The following UBASH3A variants were observed in gnomAD, a reference collection of about 807,000 sequenced individuals.
UBASH3A encodes the protein ubiquitin-associated and SH3 domain-containing protein A.
In UBASH3A, 63 loss-of-function variants were observed where a neutral mutation model predicts 73.5. The observed-to-expected ratio is 0.86, with a 90% CI of 0.70 to 1.06. UBASH3A has a LOEUF of 1.06. Ranked by LOEUF, UBASH3A falls within the 50% of genes least tolerant of loss-of-function variation. UBASH3A has a pLI of 0.00. For synonymous variants in UBASH3A, 363 were observed against 351.1 expected (o/e 1.03, Z -0.38); for missense variants, 860 against 859.0 (o/e 1.00, Z -0.02).
intron 7 of UBASH3A, among the ~76,000 whole-genome samples, chr21:42,422,609 T>A (rs749456503): frequency 3.9e-5 from 6 of 152,200 alleles, no homozygotes; most frequent in Non-Finnish European, 5.9e-5. Flanking sequence ...CATTAAAATT[T>A]AAAAATAAGT....
chr21:42,437,198 TTTCC>T (rs776408792), intron 10 of UBASH3A, among the ~76,000 whole-genome samples: 4 of 152,374 alleles, frequency 2.6e-5, no homozygotes, highest in Non-Finnish European at 4.4e-5. Context: ...CTCTGACTTT[TTTCC>T]ATGACTGGCT....
At chr21:42,436,100 TAG>T (rs1033185769) in intron 10 of UBASH3A, among the ~76,000 whole-genome samples, 12 of 152,290 alleles carry the variant, frequency 7.9e-5, no homozygotes, top group African/African-American at 2.9e-4. Flanking sequence ...CATAGAGTTA[TAG>T]AGTTATAGAG....
chr21:42,444,814 G>A (rs947639467), intron 14 of UBASH3A, among the ~76,000 whole-genome samples, 171 bp downstream of exon 14: 6 of 152,150 alleles, frequency 3.9e-5, no homozygotes, highest in African/African-American at 4.8e-5. Flanking sequence ...GGGTGACTTC[G>A]GGCTGGGGCT....
At chr21:42,445,413 G>A (rs535978401) in intron 14 of UBASH3A, among the ~76,000 whole-genome samples, 55 of 152,362 alleles carry the variant, frequency 3.6e-4, no homozygotes, top group African/African-American at 1.3e-3. Context: ...CCCTGACCTG[G>A]TTTCTTCACA....
At chr21:42,425,233 G>A (rs1167779639) in intron 7 of UBASH3A, among the ~76,000 whole-genome samples, 2 of 152,244 alleles carry the variant, frequency 1.3e-5, no homozygotes, top group Non-Finnish European at 2.9e-5. Context: ...ATGTGAAAAT[G>A]CTAAGCTCTT....
At chr21:42,439,696 C>G (rs1457729262) in intron 11 of UBASH3A, among the ~76,000 whole-genome samples, 1 of 139,990 alleles carries the variant, frequency 7.1e-6, no homozygotes, top group Admixed American at 7.1e-5. Flanking sequence ...ACACACTACA[C>G]ACACCCACAC....
chr21:42,410,757 C>T (rs1275638316), intron 3 of UBASH3A, among the ~76,000 whole-genome samples: 1 of 152,116 alleles, frequency 6.6e-6, no homozygotes, highest in Admixed American at 6.5e-5. Flanking sequence ...CCCACTCCTT[C>T]CCCAGCCCAC....
At chr21:42,418,204 T>A (rs1310802189) in intron 6 of UBASH3A, among the ~76,000 whole-genome samples, 197 bp from the exon 7 acceptor site, 5 of 152,170 alleles carry the variant, frequency 3.3e-5, no homozygotes, top group Non-Finnish European at 5.9e-5. Context: ...TCTAAATCTA[T>A]CCAAAGAATT....
intron 13 of UBASH3A, 140 bp from the exon 14 acceptor site, chr21:42,444,393 AC>A (rs1407490797): frequency 2.9e-6 from 2 of 695,922 alleles, no homozygotes; most frequent in Admixed American, 4.2e-5. Context: ...GTTACCAGCC[AC>A]ACTACTTCTA....
chr21:42,415,718 A>G (rs7278547), intron 5 of UBASH3A, among the ~76,000 whole-genome samples: 66,335 of 152,152 alleles, frequency 0.44, 14,952 homozygotes, highest in African/African-American at 0.53. Flanking sequence ...CCAGAGGCTC[A>G]GTCAAGGTCA....
At chr21:42,432,456 A>G (rs932365024) in intron 9 of UBASH3A, among the ~76,000 whole-genome samples, 3 of 135,460 alleles carry the variant, frequency 2.2e-5, no homozygotes, top group Non-Finnish European at 4.8e-5. Flanking sequence ...TATGCTGCTT[A>G]ACAGATGGAC....
chr21:42,428,665 A>G (rs192051860), intron 8 of UBASH3A, among the ~76,000 whole-genome samples: 1 of 151,856 alleles, frequency 6.6e-6, no homozygotes, highest in African/African-American at 2.4e-5. Context: ...CTAAAATAAC[A>G]TTTGACCCAA....
chr21:42,414,238 C>T (rs1048074870), intron 5 of UBASH3A, among the ~76,000 whole-genome samples: 1 of 152,232 alleles, frequency 6.6e-6, no homozygotes, highest in Non-Finnish European at 1.5e-5. Flanking sequence ...ATGTATGAAG[C>T]ACAGATCCTG....
At chr21:42,446,960 C>T (rs1185212915) in intron 14 of UBASH3A, 97 bp from the exon 15 acceptor site, 2 of 1,420,950 alleles carry the variant, frequency 1.4e-6, no homozygotes, top group Admixed American at 4.0e-5. Context: ...GCAGACCCTC[C>T]AAAGTAGAGG....
At chr21:42,426,573 C>T (rs2053439487) in intron 7 of UBASH3A, 124 bp from the exon 8 acceptor site, 3 of 1,129,666 alleles carry the variant, frequency 2.7e-6, no homozygotes, top group African/African-American at 3.1e-5. Context: ...ATTTTGTGCT[C>T]ATGGGAACCT....
chr21:42,416,604 A>G lies in UBASH3A; in HGVS notation c.830A>G (p.His277Arg), dbSNP rs1199473831. The G allele has an allele frequency of 1.1e-5, 17 of 1,584,088 alleles. No homozygotes were observed. Among genetic ancestry groups the G allele is most frequent in the Non-Finnish European group, 1.3e-5 (15 of 1,165,350 alleles). Residue 277 changes from histidine to arginine, a missense_variant, in exon 6 of 15, where the codon CAC becomes CGC. By Grantham distance (29) the His-to-Arg change is conservative. Transcript: ENST00000319294. ...ALYSRDMRFVHYQTLRALFQY... is the reference protein window; with the variant it reads ...ALYSRDMRFVRYQTLRALFQY... ...TACTCCCGAGACATGCGCTTTGTGC[A>G]CTACCAGGTGAGAGAGCTGAGCAGG...
intron 14 of UBASH3A, among the ~76,000 whole-genome samples, chr21:42,446,240 C>T (rs1010027473): frequency 1.3e-5 from 2 of 152,166 alleles, no homozygotes; most frequent in African/African-American, 4.8e-5. Context: ...TTCACCCTGC[C>T]CCTACCCCAA....
Position 42,416,535 on chromosome 21 carries a change from G to A in UBASH3A, c.761G>A (p.Arg254Lys), listed in dbSNP as rs368043984. ...HHQRTLEQLARAIPLGHSCQW... is the reference protein window; with the variant it reads ...HHQRTLEQLAKAIPLGHSCQW... ...CAGAGGACGCTGGAGCAGCTGGCCA[G>A]AGCCATCCCCCTGGGCCACAGCTGC... The change falls in exon 6 of 15, where the codon AGA becomes AAA. Residue 254 changes from arginine to lysine, a missense_variant. Arg to Lys is a conservative substitution (Grantham distance 26). Transcript: ENST00000319294. 6 of 1,611,318 alleles carry A rather than the reference G, an allele frequency of 3.7e-6. No homozygotes were observed. Among genetic ancestry groups the A allele is most frequent in the Non-Finnish European group, 5.1e-6 (6 of 1,178,934 alleles).
chr21:42,436,917 C>T (rs1440791260), intron 10 of UBASH3A, among the ~76,000 whole-genome samples: 1 of 152,254 alleles, frequency 6.6e-6, no homozygotes, highest in Non-Finnish European at 1.5e-5. Context: ...CACGAGGCTG[C>T]TTCTCTGCTG....
Sources: gnomAD v4.1 joint callset for allele counts (sites outside exome capture counted in the v4.1 genomes callset) on GRCh38, gnomAD v4.1.1 for gene constraint, MANE v1.5 for transcripts, NCBI Gene and HGNC (gene_info 2026-07-23, HGNC 2026-07-21) for gene names.